The following DNAH6 variants were observed in gnomAD, a reference collection of about 807,000 sequenced individuals.
DNAH6 encodes the protein axonemal beta dynein heavy chain 6.
DNAH6 carries 340 observed loss-of-function variants against 491.4 expected under a neutral mutation model. The observed-to-expected ratio is 0.69, with a 90% confidence interval of 0.63 to 0.76. The LOEUF is 0.76. Among genes scored for constraint, DNAH6 ranks in the 30% least tolerant of loss-of-function variants. The pLI is 0.00. For synonymous variants in DNAH6, 1,603 were observed against 1,686.1 expected (o/e 0.95, Z 1.21); for missense variants, 4,443 against 4,972.2 (o/e 0.89, Z 3.20).
chr2:84,605,431 T>C, intron 19 of DNAH6, 69 bp from the exon 20 acceptor site: 1 of 1,030,548 alleles, frequency 9.7e-7, no homozygotes, highest in African/African-American at 1.6e-5. Context: ...TTTATTTCAT[T>C]TCACGTGCAT....
rs80229068 is a variant in DNAH6, at chr2:84,783,526, G to A, written c.10865-1196G>A. On this transcript the variant is annotated intron_variant, in intron 65 of 76. Coordinates refer to ENST00000389394, the MANE Select transcript of DNAH6 (RefSeq NM_001370.2). ...TAATAGTTTTTACTATGCAAACAGTGTTAGTATTGCTCTAGAATTTGGTAG... is the reference window on the plus strand; with the variant it reads ...TAATAGTTTTTACTATGCAAACAGTATTAGTATTGCTCTAGAATTTGGTAG... 1.4e-4 allele frequency among the ~76,000 whole-genome samples: 22 copies of A among 152,326 alleles called. 1 individual carries two copies. In the East Asian group the frequency reaches 4.0e-3, roughly 28 times the overall value.
chr2:84,476,437 G>A, the DNAH6 span, among the ~76,000 whole-genome samples: 1 of 152,156 alleles, frequency 6.6e-6, no homozygotes, highest in African/African-American at 2.4e-5. Context: ...GAAAGGAGGT[G>A]GCCTTTCACT....
chr2:84,726,779 T>TA (rs10539864), intron 60 of DNAH6, among the ~76,000 whole-genome samples: 15 of 150,910 alleles, frequency 9.9e-5, no homozygotes, highest in South Asian at 4.2e-4. Flanking sequence ...ATAATAATAA[T>TA]AAAAAAAATA....
chr2:84,653,901 A>G (rs1240340687), intron 34 of DNAH6, 27 bp downstream of exon 34: 26 of 1,497,620 alleles, frequency 1.7e-5, no homozygotes, highest in Non-Finnish European at 7.2e-6. Context: ...CTGTGGAGTG[A>G]AATCATTCAT....
chr2:84,585,179 C>T (rs1683414216), intron 15 of DNAH6, among the ~76,000 whole-genome samples: 1 of 152,148 alleles, frequency 6.6e-6, no homozygotes, highest in Non-Finnish European at 1.5e-5. Flanking sequence ...CAAAAGTGTA[C>T]ATAACTAATT....
chr2:84,797,455 C>A, intron 69 of DNAH6, 82 bp from the exon 70 acceptor site: 1 of 1,394,894 alleles, frequency 7.2e-7, no homozygotes, highest in Non-Finnish European at 9.7e-7. Context: ...CCACCATCTG[C>A]ACCACACAAA....
chr2:84,666,820 G>T (rs1024798778), intron 37 of DNAH6, among the ~76,000 whole-genome samples: 1 of 152,138 alleles, frequency 6.6e-6, no homozygotes, highest in African/African-American at 2.4e-5. Flanking sequence ...AACAAAGCTG[G>T]AGGCACCATG....
chr2:84,677,202 A>G, intron 41 of DNAH6, 66 bp downstream of exon 41: 1 of 1,540,626 alleles, frequency 6.5e-7, no homozygotes, highest in South Asian at 1.2e-5. Flanking sequence ...AGGCTCCCAC[A>G]ATCAAAGTGG....
At chr2:84,763,618 G>A (rs1198575999) in intron 64 of DNAH6, among the ~76,000 whole-genome samples, 1 of 152,008 alleles carries the variant, frequency 6.6e-6, no homozygotes, top group Non-Finnish European at 1.5e-5. Context: ...GTCTGGCCTG[G>A]TCCCTGGACG....
At chr2:84,573,335 T>C in intron 11 of DNAH6, 132 bp from the exon 12 acceptor site, 1 of 640,256 alleles carries the variant, frequency 1.6e-6, no homozygotes, top group Non-Finnish European at 2.6e-6. Context: ...TCTTCATTCA[T>C]GTTTCCCAAA....
intron 57 of DNAH6, among the ~76,000 whole-genome samples, chr2:84,714,018 G>T (rs915720247): frequency 6.6e-6 from 1 of 152,100 alleles, no homozygotes; most frequent in African/African-American, 2.4e-5. Flanking sequence ...AGACAGCTGG[G>T]ACTCCATTGC....
In DNAH6 at chr2:84,621,201, G is replaced by C. The variant is rs1016080923; in HGVS notation, c.3803G>C (p.Gly1268Ala). The C allele has an allele frequency of 1.3e-6, 2 of 1,551,400 alleles. No homozygotes were observed. Among genetic ancestry groups the C allele is most frequent in the African/African-American group, 2.7e-5 (2 of 73,032 alleles). ...CTGATTACCTTTTAGGTTAGCTTGG[G>C]GAAAGGCCTCAAGGCCCGAGGCAAT... ...LSPEGERVSLGKGLKARGNVE... is the reference protein window; with the variant it reads ...LSPEGERVSLAKGLKARGNVE... Residue 1268 changes from glycine to alanine, a missense_variant, in exon 25 of 77, where the codon GGG (glycine) becomes GCG (alanine). Around this residue, in one of 3 missense-constraint regions of DNAH6, gnomAD observed 2,977 missense variants for 3,296.6 expected, o/e 0.90. Transcript: ENST00000389394.
chr2:84,689,106 T>C (rs1467255114), intron 45 of DNAH6, among the ~76,000 whole-genome samples: 3 of 152,230 alleles, frequency 2.0e-5, no homozygotes, highest in Non-Finnish European at 4.4e-5. Context: ...GTGGCTCCTG[T>C]CCTGTTTGAC....
At chr2:84,482,755 G>A in the DNAH6 span, among the ~76,000 whole-genome samples, 4 of 152,180 alleles carry the variant, frequency 2.6e-5, no homozygotes, top group East Asian at 1.9e-4. Flanking sequence ...TGGTCAACTC[G>A]TTCTTATTGT....
intron 18 of DNAH6, among the ~76,000 whole-genome samples, chr2:84,602,482 C>CTTTTTTTT (rs3029846): frequency 2.8e-4 from 9 of 32,026 alleles, no homozygotes; most frequent in African/African-American, 1.3e-3. Flanking sequence ...TGTTGTGTCC[C>CTTTTTTTT]TTTTTTTTTT....
chr2:84,634,664 T>G (rs1284037843), intron 30 of DNAH6, 23 bp downstream of exon 30: 1 of 1,484,208 alleles, frequency 6.7e-7, no homozygotes, highest in South Asian at 1.4e-5. Context: ...GCAATCGACT[T>G]TCAAGGTAGC....
chr2:84,610,147 A>G (rs1686184948), intron 21 of DNAH6, among the ~76,000 whole-genome samples: 1 of 152,110 alleles, frequency 6.6e-6, no homozygotes, highest in South Asian at 2.1e-4. Flanking sequence ...TCTTGGGCTA[A>G]GGGCTTCAAT....
chr2:84,682,622 C>A (rs943403724), intron 42 of DNAH6, among the ~76,000 whole-genome samples: 4 of 152,184 alleles, frequency 2.6e-5, no homozygotes, highest in African/African-American at 9.7e-5. Flanking sequence ...TTCCCCTCCA[C>A]CTTGGCCATG....
At chr2:84,682,007 A>C (rs890132599) in intron 42 of DNAH6, among the ~76,000 whole-genome samples, 8 of 152,220 alleles carry the variant, frequency 5.3e-5, no homozygotes, top group Non-Finnish European at 1.5e-5. Flanking sequence ...TCTTAAAAAA[A>C]AATAATTTTC....
Sources: allele counts gnomAD v4.1 joint callset (sites outside exome capture counted in the v4.1 genomes callset), GRCh38; gene constraint gnomAD v4.1.1; regional missense constraint gnomAD v4.1.1; transcripts MANE v1.5; gene names NCBI Gene and HGNC (gene_info 2026-07-23, HGNC 2026-07-21).